TTC28: variants seen among roughly 807,000 people sequenced by gnomAD.
The protein encoded by TTC28 is tetratricopeptide repeat domain 28.
A neutral mutation model predicts 198.0 loss-of-function variants in TTC28; 61 were observed. The observed-to-expected ratio is 0.31, with a 90% CI of 0.25 to 0.38. The LOEUF is 0.38. Ranked by LOEUF, TTC28 falls within the 10% of genes least tolerant of loss-of-function variation. TTC28 has a pLI of 1.00. For synonymous variants in TTC28, 1,171 were observed against 1,297.8 expected (o/e 0.90, Z 2.10); for missense variants, 2,678 against 3,164.0 (o/e 0.85, Z 3.69).
chr22:28,210,788 T>C (rs987932056), intron 5 of TTC28, among the ~76,000 whole-genome samples: 9 of 152,084 alleles, frequency 5.9e-5, no homozygotes, highest in South Asian at 2.1e-4. Context: ...ATACAGAGAA[T>C]GCCACAAAGA....
rs1569008951 is a variant in TTC28 at position 28,537,295 on chromosome 22, A to AC, written c.381+92256_381+92257insG. 1.2e-4 allele frequency among the ~76,000 whole-genome samples: 12 copies of AC among 102,994 alleles called. 1 individual carries two copies. The highest frequency in any genetic ancestry group is 3.5e-4 in the African/African-American group (9 of 25,882). The allele number at this position is 102,994 out of a possible 152,430, so 67.6% of individuals were successfully genotyped here. On this transcript the variant is annotated intron_variant, in intron 2 of 22. Transcript: ENST00000397906. ...GCGACAGAGCCAGACTCCGTCTCAA[A>AC]AATAAAATAAAATAAAATAAAATAA... is the stretch of plus-strand genomic sequence containing the variant.
chr22:28,452,483 G>A (rs1000846048), intron 2 of TTC28, among the ~76,000 whole-genome samples: 2 of 150,644 alleles, frequency 1.3e-5, no homozygotes, highest in Non-Finnish European at 2.9e-5. Flanking sequence ...CTTAATCCTC[G>A]AGGAGAAAAC....
At chr22:28,302,371 A>G (rs2045044357) in intron 3 of TTC28, among the ~76,000 whole-genome samples, 1 of 152,172 alleles carries the variant, frequency 6.6e-6, no homozygotes, top group African/African-American at 2.4e-5. Flanking sequence ...CCACATCCAC[A>G]CCACTACGCC....
At chr22:28,210,171 C>T (rs1006634874) in intron 5 of TTC28, among the ~76,000 whole-genome samples, 4 of 152,142 alleles carry the variant, frequency 2.6e-5, no homozygotes, top group African/African-American at 9.7e-5. Context: ...GTAGATAAAA[C>T]CACAAAGATG....
intron 12 of TTC28, among the ~76,000 whole-genome samples, chr22:28,083,542 T>C (rs990825936): frequency 6.6e-6 from 1 of 152,226 alleles, no homozygotes; most frequent in African/African-American, 2.4e-5. Context: ...GGAGCCAAGA[T>C]GGCCGAATAG....
chr22:28,598,215 A>G (rs2050573607), intron 2 of TTC28, among the ~76,000 whole-genome samples: 1 of 151,968 alleles, frequency 6.6e-6, no homozygotes, highest in South Asian at 2.1e-4. Flanking sequence ...AATGCAACTT[A>G]AAAGTAACAA....
intron 12 of TTC28, among the ~76,000 whole-genome samples, chr22:28,065,269 A>C: frequency 6.6e-6 from 1 of 152,240 alleles, no homozygotes. Flanking sequence ...CTTCCAAAGA[A>C]GGAAGTGAAA....
At chr22:28,405,128 T>C (rs1457876182) in intron 2 of TTC28, among the ~76,000 whole-genome samples, 3 of 152,232 alleles carry the variant, frequency 2.0e-5, no homozygotes, top group South Asian at 2.1e-4. Flanking sequence ...AAAAGGATCA[T>C]ATGTCAGTTT....
chr22:28,397,747 T>C (rs561355162), intron 2 of TTC28, among the ~76,000 whole-genome samples: 17 of 152,354 alleles, frequency 1.1e-4, no homozygotes, highest in African/African-American at 3.8e-4. Flanking sequence ...ATAGAGCTAA[T>C]ACATGGTAGT....
At chr22:28,367,260 A>C (rs1182551606) in intron 2 of TTC28, among the ~76,000 whole-genome samples, 1 of 152,126 alleles carries the variant, frequency 6.6e-6, no homozygotes, top group Non-Finnish European at 1.5e-5. Flanking sequence ...CCACAATGGA[A>C]TAAAACTAGA....
At chr22:28,275,448 T>C (rs1404640146) in intron 5 of TTC28, among the ~76,000 whole-genome samples, 1 of 152,172 alleles carries the variant, frequency 6.6e-6, no homozygotes, top group Non-Finnish European at 1.5e-5. Flanking sequence ...TTAAAACAAA[T>C]TGGACAATGT....
chr22:28,602,391 G>C (rs2050654079), intron 2 of TTC28, among the ~76,000 whole-genome samples: 3 of 152,102 alleles, frequency 2.0e-5, no homozygotes, highest in African/African-American at 7.2e-5. Flanking sequence ...TTTCAAGGGG[G>C]TCTGTGGTTT....
chr22:28,571,827 A>G (rs1240798492), intron 2 of TTC28, among the ~76,000 whole-genome samples: 2 of 152,010 alleles, frequency 1.3e-5, no homozygotes, highest in African/African-American at 4.8e-5. Context: ...ACATGCCTGT[A>G]GTCCCAGCTA....
chr22:28,503,694 T>C (rs946911014), intron 2 of TTC28, among the ~76,000 whole-genome samples: 1 of 152,234 alleles, frequency 6.6e-6, no homozygotes, highest in Non-Finnish European at 1.5e-5. Flanking sequence ...ATCTTAATAG[T>C]ATTAGCTAAG....
At chr22:28,491,651 C>T (rs1601464330) in intron 2 of TTC28, among the ~76,000 whole-genome samples, 2 of 152,174 alleles carry the variant, frequency 1.3e-5, no homozygotes, top group African/African-American at 4.8e-5. Flanking sequence ...AACACTTTTA[C>T]ACTGTTGGTG....
chr22:28,183,820 T>A (rs1472623472), intron 5 of TTC28, among the ~76,000 whole-genome samples: 1 of 152,152 alleles, frequency 6.6e-6, no homozygotes, highest in Non-Finnish European at 1.5e-5. Context: ...AAATAATAAT[T>A]AAAAAAATTA....
Position 28,031,273 on chromosome 22 carries a change from CA to C in TTC28, c.3933-908del, listed in dbSNP as rs59390896. 6.6e-3 allele frequency among the ~76,000 whole-genome samples: 1,009 copies of C among 152,312 alleles called. 14 individuals are homozygous for C. The highest frequency in any genetic ancestry group is 0.023 in the African/African-American group (972 of 41,564). On this transcript the variant is annotated intron_variant, in intron 12 of 22. Coordinates refer to ENST00000397906, the MANE Select transcript of TTC28 (RefSeq NM_001145418.2). ...ATGCCTCCCAACCAACTGAGGCTCA[CA>C]AAGGCACATCTCTATGTTGAGCCCT...
intron 2 of TTC28, among the ~76,000 whole-genome samples, chr22:28,426,211 CAAAAAAA>C (rs34448246): frequency 5.8e-5 from 5 of 85,686 alleles, no homozygotes; most frequent in African/African-American, 1.8e-4. Flanking sequence ...GACTCCACGT[CAAAAAAA>C]AAAAAAAAAA....
At chr22:28,490,907 C>A (rs2048367856) in intron 2 of TTC28, among the ~76,000 whole-genome samples, 1 of 152,154 alleles carries the variant, frequency 6.6e-6, no homozygotes, top group Admixed American at 6.5e-5. Flanking sequence ...TTAAAAAATT[C>A]CTCTGATATC....
Sources: gnomAD v4.1 joint callset for allele counts (sites outside exome capture counted in the v4.1 genomes callset) on GRCh38, gnomAD v4.1.1 for gene constraint, MANE v1.5 for transcripts, NCBI Gene and HGNC (gene_info 2026-07-23, HGNC 2026-07-21) for gene names.